CNOT10: variants seen among roughly 807,000 people sequenced by gnomAD.
CNOT10 encodes the protein CCR4-NOT transcription complex subunit 10.
In CNOT10, 30 loss-of-function variants were observed where a neutral mutation model predicts 94.6. That is an observed-to-expected ratio of 0.32 (90% confidence interval 0.24 to 0.43). CNOT10 has a LOEUF of 0.43. Ranked by LOEUF, CNOT10 falls within the 20% of genes least tolerant of loss-of-function variation. The probability of loss-of-function intolerance (pLI) is 1.00; values close to 1 mark genes in which losing one functional copy is unlikely to be tolerated. For synonymous variants in CNOT10, 289 were observed against 301.6 expected (o/e 0.96, Z 0.43); for missense variants, 759 against 877.2 (o/e 0.87, Z 1.70).
In CNOT10 at chr3:32,704,931, A is replaced by G. The variant is rs749895467; in HGVS notation, c.238A>G (p.Thr80Ala). 6.4e-7 allele frequency: 1 copy of G among 1,554,838 alleles called. No individual in the cohort carries two copies. Among genetic ancestry groups the G allele is most frequent in the South Asian group, 1.2e-5 (1 of 80,220 alleles). ...GTTTTTTAAAAGTAACCAAACAACAACAGATAATTTGAGACAAACACTTAA... is the reference window on the plus strand; with the variant it reads ...GTTTTTTAAAAGTAACCAAACAACAGCAGATAATTTGAGACAAACACTTAA... ...AEFFKSNQTT[T>A]DNLRQTLNQL... The change falls in exon 3 of 19, where the codon ACA becomes GCA. Residue 80 changes from threonine to alanine, a missense_variant. Around this residue, in one of 3 missense-constraint regions of CNOT10, gnomAD observed 682 missense variants for 799.4 expected, o/e 0.85. Coordinates refer to ENST00000328834, the MANE Select transcript of CNOT10 (RefSeq NM_015442.3).
chr3:32,690,820 TACAG>T (rs929484194), intron 1 of CNOT10, among the ~76,000 whole-genome samples: 3 of 152,066 alleles, frequency 2.0e-5, no homozygotes, highest in Non-Finnish European at 1.5e-5. Flanking sequence ...GTGCTGGGAT[TACAG>T]GCATGAGCCA....
chr3:32,744,651 C>G lies in CNOT10; in HGVS notation c.1595+7161C>G, dbSNP rs568985669. Among the ~76,000 whole-genome samples, 246 of 152,216 alleles carry G rather than the reference C, an allele frequency of 1.6e-3. 1 individual carries two copies. The highest frequency in any genetic ancestry group is 5.8e-3 in the African/African-American group (239 of 41,542). The stretch of plus-strand genomic sequence containing the variant: ...GTGGCCCCAAATTAGGAAAACGTCT[C>G]AGAAATCAACTAACTAGTTTAACTG... On this transcript the variant is annotated intron_variant, in intron 13 of 18. Coordinates refer to ENST00000328834, the MANE Select transcript of CNOT10 (RefSeq NM_015442.3).
At chr3:32,727,949 ACCTTGG>A in intron 10 of CNOT10, 79 bp downstream of exon 10, 54 of 949,062 alleles carry the variant, frequency 5.7e-5, no homozygotes, top group Middle Eastern at 3.4e-4. Context: ...AAAAAAAAAA[ACCTTGG>A]AAACATACAT....
intron 11 of CNOT10, among the ~76,000 whole-genome samples, chr3:32,733,938 A>C (rs1699067676): frequency 6.6e-6 from 1 of 152,206 alleles, no homozygotes; most frequent in Admixed American, 6.5e-5. Flanking sequence ...TACTATTCAG[A>C]GAAAAAAGGT....
chr3:32,773,398 G>C, intron 18 of CNOT10, 59 bp from the exon 19 acceptor site: 1 of 1,512,596 alleles, frequency 6.6e-7, no homozygotes, highest in Non-Finnish European at 8.9e-7. Context: ...TTCATGTCTT[G>C]CTTTGTGTGT....
intron 5 of CNOT10, among the ~76,000 whole-genome samples, chr3:32,714,892 A>C (rs1320541380): frequency 6.6e-6 from 1 of 152,188 alleles, no homozygotes; most frequent in Non-Finnish European, 1.5e-5. Context: ...TATTTGCAGG[A>C]AACGTTGCCA....
intron 13 of CNOT10, among the ~76,000 whole-genome samples, chr3:32,744,797 A>C (rs1289003636): frequency 6.6e-6 from 1 of 152,220 alleles, no homozygotes; most frequent in Non-Finnish European, 1.5e-5. Context: ...ATCCTCAGAT[A>C]TAAAATTCCT....
At chr3:32,758,404 T>C (rs1700305234) in intron 13 of CNOT10, among the ~76,000 whole-genome samples, 1 of 152,160 alleles carries the variant, frequency 6.6e-6, no homozygotes, top group African/African-American at 2.4e-5. Flanking sequence ...AGTTAGCAAG[T>C]GAAGAGGAAA....
intron 1 of CNOT10, among the ~76,000 whole-genome samples, chr3:32,689,032 G>T (rs1264098157): frequency 6.6e-6 from 1 of 151,708 alleles, no homozygotes; most frequent in Non-Finnish European, 1.5e-5. Flanking sequence ...GTGATACCCC[G>T]TCTCTACTAA....
intron 11 of CNOT10, among the ~76,000 whole-genome samples, chr3:32,734,497 A>C (rs1218795497): frequency 6.6e-6 from 1 of 152,164 alleles, no homozygotes; most frequent in Non-Finnish European, 1.5e-5. Context: ...CCTTGTCTGC[A>C]GTTTCTCTAG....
intron 1 of CNOT10, among the ~76,000 whole-genome samples, chr3:32,698,959 T>A (rs1422121842): frequency 6.6e-6 from 1 of 152,158 alleles, no homozygotes; most frequent in Non-Finnish European, 1.5e-5. Flanking sequence ...CTAATTTTTG[T>A]ATTTTTTGTA....
intron 1 of CNOT10, among the ~76,000 whole-genome samples, chr3:32,702,514 A>G (rs574379579): frequency 1.2e-4 from 19 of 152,258 alleles, no homozygotes; most frequent in Middle Eastern, 6.8e-3. Flanking sequence ...TTAACATATT[A>G]AAGAAACTTT....
intron 15 of CNOT10, among the ~76,000 whole-genome samples, chr3:32,763,605 A>C (rs1240637157): frequency 6.6e-6 from 1 of 151,698 alleles, no homozygotes; most frequent in Non-Finnish European, 1.5e-5. Context: ...AGCCAAGATC[A>C]CGCCACTGCA....
chr3:32,696,114 A>C (rs1188507611), intron 1 of CNOT10, among the ~76,000 whole-genome samples: 1 of 151,722 alleles, frequency 6.6e-6, no homozygotes, highest in African/African-American at 2.4e-5. Flanking sequence ...TCAGGAGTTC[A>C]AGACCAACCT....
intron 12 of CNOT10, among the ~76,000 whole-genome samples, chr3:32,736,268 G>A (rs1053087389): frequency 5.9e-5 from 9 of 152,016 alleles, no homozygotes; most frequent in Admixed American, 2.0e-4. Context: ...TGTATTTTTA[G>A]TAGAGATAGG....
chr3:32,709,025 G>T (rs377694150), intron 4 of CNOT10, among the ~76,000 whole-genome samples: 4 of 152,186 alleles, frequency 2.6e-5, no homozygotes, highest in East Asian at 1.9e-4. Flanking sequence ...GAAGATAACT[G>T]TTAAAAATGC....
chr3:32,738,908 CTTT>C (rs767544887), intron 13 of CNOT10, among the ~76,000 whole-genome samples: 2 of 137,360 alleles, frequency 1.5e-5, no homozygotes, highest in Non-Finnish European at 1.6e-5. Context: ...TATTTTCTTT[CTTT>C]TTTTTTTTTT....
intron 14 of CNOT10, 146 bp from the exon 15 acceptor site, chr3:32,762,587 C>G: frequency 3.6e-6 from 3 of 843,220 alleles, no homozygotes; most frequent in Non-Finnish European, 5.2e-6. Flanking sequence ...TTCGTTTTAC[C>G]TAAATAAATT....
intron 13 of CNOT10, among the ~76,000 whole-genome samples, chr3:32,748,799 A>G (rs1196375478): frequency 1.3e-5 from 2 of 151,270 alleles, no homozygotes; most frequent in Non-Finnish European, 2.9e-5. Context: ...GGTGTGAGCC[A>G]CCATGCCCGG....
Sources: gnomAD v4.1 joint callset for allele counts (sites outside exome capture counted in the v4.1 genomes callset) on GRCh38, gnomAD v4.1.1 for gene constraint, gnomAD v4.1.1 regional missense constraint, MANE v1.5 for transcripts, NCBI Gene and HGNC (gene_info 2026-07-23, HGNC 2026-07-21) for gene names.